The following LRRC70 variants were observed in gnomAD, a reference collection of about 807,000 sequenced individuals.
The protein encoded by LRRC70 is leucine rich repeat containing 70.
In LRRC70, 31 loss-of-function variants were observed where a neutral mutation model predicts 42.4. The observed-to-expected ratio is 0.73, with a 90% CI of 0.55 to 0.99. The LOEUF (loss-of-function observed/expected upper bound fraction) is 0.99. Among genes scored for constraint, LRRC70 ranks in the 50% least tolerant of loss-of-function variants. LRRC70 has a pLI of 0.00. For synonymous variants in LRRC70, 270 were observed against 262.9 expected (o/e 1.03, Z -0.26); for missense variants, 643 against 707.5 (o/e 0.91, Z 1.03).
Position 62,579,745 on chromosome 5 carries a change from G to C in LRRC70, c.307G>C (p.Ala103Pro). 2.6e-6 allele frequency: 4 copies of C among 1,547,306 alleles called. No homozygotes were observed. Among genetic ancestry groups the C allele is most frequent in the Non-Finnish European group, 3.5e-6 (4 of 1,144,722 alleles). The change falls in exon 2 of 2, where the codon GCC becomes CCC. Residue 103 changes from alanine to proline, a missense_variant. Ala to Pro is a conservative substitution (Grantham distance 27). Coordinates refer to ENST00000334994, the MANE Select transcript of LRRC70 (RefSeq NM_181506.5). Reference protein sequence around the residue: ...NSNILYVYPKAFVQLRHLYFL... With the variant: ...NSNILYVYPKPFVQLRHLYFL... Reference sequence around the variant, plus strand: ...TAACATTCTGTATGTATATCCAAAAGCCTTTGTTCAATTGAGGCATCTATA... The same window carrying C: ...TAACATTCTGTATGTATATCCAAAACCCTTTGTTCAATTGAGGCATCTATA...
Position 62,579,520 on chromosome 5 carries a change from G to T in LRRC70, c.82G>T (p.Glu28Ter), listed in dbSNP as rs1048203942. The part of the protein sequence containing the change: ...TCYLLLLLHK[E>*]ILGCSSVCQL... The stretch of plus-strand genomic sequence containing the variant: ...TTATCTTTTATTATTACTCCACAAA[G>T]AAATACTTGGATGTTCGTCTGTTTG... Residue 28 changes from glutamate to a stop codon, truncating the protein, a stop_gained, in exon 2 of 2, where the codon GAA becomes TAA. Coordinates refer to ENST00000334994, the MANE Select transcript of LRRC70 (RefSeq NM_181506.5). LOFTEE classifies it high-confidence loss of function. 1.0e-5 allele frequency: 16 copies of T among 1,550,860 alleles called. No homozygotes were observed. The highest frequency in any genetic ancestry group is 1.2e-5 in the Non-Finnish European group (14 of 1,146,554).
In LRRC70 at chr5:62,580,612, C is replaced by G. The variant is rs1377612687; in HGVS notation, c.1174C>G (p.Arg392Gly). The change falls in exon 2 of 2, where the codon CGT becomes GGT. Residue 392 changes from arginine (R) to glycine (G), a missense_variant. Physicochemically the swap from Arg to Gly is moderately radical, Grantham distance 125. Coordinates refer to ENST00000334994, the MANE Select transcript of LRRC70 (RefSeq NM_181506.5). Reference sequence around the variant, plus strand: ...CTATTGTCAGAATCCCCCATCCATGCGTGGCAGAGCATTACGTTATATTAA... The same window carrying G: ...CTATTGTCAGAATCCCCCATCCATGGGTGGCAGAGCATTACGTTATATTAA... ...NIYCQNPPSM[R>G]GRALRYINIT... is the part of the protein sequence containing the mutation. 1.3e-6 allele frequency: 2 copies of G among 1,551,318 alleles called. No homozygotes were observed. The highest frequency in any genetic ancestry group is 2.0e-5 in the Admixed American group (1 of 50,968).
In LRRC70 at chr5:62,580,192, G is replaced by A; in HGVS notation, c.754G>A (p.Ala252Thr). The A allele has an allele frequency of 6.4e-7, 1 of 1,551,188 alleles. No individual in the cohort carries two copies. Among genetic ancestry groups the A allele is most frequent in the East Asian group, 2.4e-5 (1 of 40,886 alleles). Residue 252 changes from alanine (A) to threonine (T), a missense_variant, in exon 2 of 2, where the codon GCC becomes ACC. Physicochemically the swap from Ala to Thr is moderately conservative, Grantham distance 58. Coordinates refer to ENST00000334994, the MANE Select transcript of LRRC70 (RefSeq NM_181506.5). ...AIQPFAFKGL[A>T]NLEYLLLKNS... The stretch of plus-strand genomic sequence containing the variant: ...ACAGCCCTTTGCATTTAAAGGACTT[G>A]CCAATCTGGAATACCTCCTCCTGAA...
At position 62,579,304 on chromosome 5, in the gene LRRC70, A is replaced by G. The variant is rs1452043500; in HGVS notation, c.-38-97A>G. ...TGATTTATGATAGTATTATTGGCTG[A>G]TCCTAATTAAAATAGAATACAGAAG... On this transcript the variant is annotated intron_variant, in intron 1 of 1. Coordinates refer to ENST00000334994, the MANE Select transcript of LRRC70 (RefSeq NM_181506.5). 6 of 794,858 alleles carry G rather than the reference A, an allele frequency of 7.5e-6. No homozygotes were observed. In the African/African-American group the frequency reaches 1.0e-4, roughly 14 times the overall value. The allele number at this position is 794,858 out of a possible 1,614,324, so 49.2% of individuals were successfully genotyped here.
Position 62,580,351 on chromosome 5 carries a change from C to G in LRRC70, c.913C>G (p.Leu305Val). ...TFSLLKNLIY[L>V]KLDRNRIISI... ...CAGTTTGTTAAAGAATTTAATTTAC[C>G]TTAAGTTAGATAGAAACAGAATAAT... Residue 305 changes from leucine (L) to valine (V), a missense_variant, in exon 2 of 2, where the codon CTT becomes GTT. Coordinates refer to ENST00000334994, the MANE Select transcript of LRRC70 (RefSeq NM_181506.5). 2 of 1,544,104 alleles carry G rather than the reference C, an allele frequency of 1.3e-6. No individual in the cohort carries two copies. The highest frequency in any genetic ancestry group is 1.2e-5 in the South Asian group (1 of 83,840).
Position 62,580,876 on chromosome 5 carries a change from G to A in LRRC70, c.1438G>A (p.Ala480Thr), listed in dbSNP as rs755137070. The change falls in exon 2 of 2, where the codon GCA (alanine) becomes ACA (threonine). Residue 480 changes from alanine to threonine, a missense_variant. By Grantham distance (58) the Ala-to-Thr change is moderately conservative. Coordinates refer to ENST00000334994, the MANE Select transcript of LRRC70 (RefSeq NM_181506.5). ...CTTTGGTAATCCATTAGAGACTACA[G>A]CAGTGTTACCTGTGCAAATACAACT... The part of the protein sequence containing the change: ...NAFGNPLETT[A>T]VLPVQIQLTT... 2 of 1,551,362 alleles carry A rather than the reference G, an allele frequency of 1.3e-6. No homozygotes were observed. Among genetic ancestry groups the A allele is most frequent in the Non-Finnish European group, 8.7e-7 (1 of 1,146,832 alleles).
Position 62,581,154 on chromosome 5 carries a change from T to C in LRRC70, c.1716T>C (p.Phe572=), listed in dbSNP as rs762555079. The change falls in exon 2 of 2, where the codon TTT becomes TTC. Residue 572 remains phenylalanine (F), a synonymous_variant. Transcript: ENST00000334994. The stretch of plus-strand genomic sequence containing the variant: ...AAAATAGACTTGAATACTACAGCTT[T>C]TATCAGTCAGCAAGGTATAATGTAA... ...SRENRLEYYS[F]YQSARYNVTA... 6.4e-7 allele frequency: 1 copy of C among 1,551,090 alleles called. No individual in the cohort carries two copies. Among genetic ancestry groups the C allele is most frequent in the Non-Finnish European group, 8.7e-7 (1 of 1,146,744 alleles).
chr5:62,581,407 A>G lies in LRRC70; in HGVS notation c.*100A>G. 1.1e-6 allele frequency: 1 copy of G among 900,200 alleles called. No individual in the cohort carries two copies. The highest frequency in any genetic ancestry group is 1.6e-6 in the Non-Finnish European group (1 of 617,644). 55.8% of individuals were successfully genotyped at this position (900,200 alleles called of 1,614,324 possible). ...TATACTTTAGTTGGAAATATAATGA[A>G]TTATATGAGGTTAGCATTATTAAAA... On this transcript the variant is annotated 3_prime_UTR_variant, in exon 2 of 2. Coordinates refer to ENST00000334994, the MANE Select transcript of LRRC70 (RefSeq NM_181506.5).
chr5:62,581,345 T>G lies in LRRC70; in HGVS notation c.*38T>G. 1 of 1,425,876 alleles carries G rather than the reference T, an allele frequency of 7.0e-7. No homozygotes were observed. Among genetic ancestry groups the G allele is most frequent in the Non-Finnish European group, 9.2e-7 (1 of 1,082,974 alleles). The allele number at this position is 1,425,876 out of a possible 1,614,324, so 88.3% of individuals were successfully genotyped here. A position where few individuals can be genotyped will look rare whatever the true frequency, so the allele number is the denominator to read the frequency against. Reference sequence around the variant, plus strand: ...TTGTCTATAAGAAACTTCAGTGCCATGGACATGATTTAAACTGAAACCTCC... The same window carrying G: ...TTGTCTATAAGAAACTTCAGTGCCAGGGACATGATTTAAACTGAAACCTCC... On this transcript the variant is annotated 3_prime_UTR_variant, in exon 2 of 2. Transcript: ENST00000334994.
In LRRC70 at chr5:62,581,227, T is replaced by G; in HGVS notation, c.1789T>G (p.Leu597Val). The stretch of plus-strand genomic sequence containing the variant: ...CCCAAATTCTCTAGAAAGTCCTGGC[T>G]TGGAGCAGATTCGACTTCATAAACA... ...TSPNSLESPGLEQIRLHKQIV... is the reference protein window; with the variant it reads ...TSPNSLESPGVEQIRLHKQIV... The change falls in exon 2 of 2, where the codon TTG becomes GTG. Residue 597 changes from leucine (L) to valine (V), a missense_variant. Transcript: ENST00000334994. The G allele has an allele frequency of 6.5e-7, 1 of 1,546,880 alleles. No homozygotes were observed. The highest frequency in any genetic ancestry group is 8.7e-7 in the Non-Finnish European group (1 of 1,145,750).
rs144355739 is a variant in LRRC70, at chr5:62,579,861, T to C, written c.423T>C (p.Tyr141=). 194 of 1,549,616 alleles carry C rather than the reference T, an allele frequency of 1.3e-4. No homozygotes were observed. The African/African-American group carries it at 2.3e-3, about 18-fold the overall frequency. Residue 141 remains tyrosine (Y), a synonymous_variant, in exon 2 of 2, where the codon TAT becomes TAC. Transcript: ENST00000334994. ...LLNLRNLYLQ[Y]NQVSFVPRGV... ...ATCTTCGTAATTTATATTTACAGTA[T>C]AATCAGGTATCTTTTGTTCCGAGAG...
In LRRC70 at chr5:62,579,863, A is replaced by G. The variant is rs1421637181; in HGVS notation, c.425A>G (p.Asn142Ser). The change falls in exon 2 of 2, where the codon AAT (asparagine) becomes AGT (serine). Residue 142 changes from asparagine to serine, a missense_variant. Asn to Ser is a conservative substitution (Grantham distance 46, BLOSUM62 1). Coordinates refer to ENST00000334994, the MANE Select transcript of LRRC70 (RefSeq NM_181506.5). The part of the protein sequence containing the change: ...LNLRNLYLQY[N>S]QVSFVPRGVF... ...CTTCGTAATTTATATTTACAGTATA[A>G]TCAGGTATCTTTTGTTCCGAGAGGA... 2.6e-6 allele frequency: 4 copies of G among 1,549,678 alleles called. No individual in the cohort carries two copies. The African/African-American group carries it at 5.5e-5, about 21-fold the overall frequency.
In LRRC70 at chr5:62,580,962, A is replaced by G; in HGVS notation, c.1524A>G (p.Ser508=). Residue 508 remains serine, a synonymous_variant, in exon 2 of 2, where the codon TCA becomes TCG. Transcript: ENST00000334994. ...GTGCTCTACCGAATGATGCTGCTTC[A>G]ATGTCAGGGAAAACATCTCTAATTT... is the stretch of plus-strand genomic sequence containing the variant. The part of the protein sequence containing the change: ...KNSALPNDAA[S]MSGKTSLICT... 6.4e-7 allele frequency: 1 copy of G among 1,551,162 alleles called. No homozygotes were observed. Among genetic ancestry groups the G allele is most frequent in the Non-Finnish European group, 8.7e-7 (1 of 1,146,794 alleles).
chr5:62,581,416 G>T lies in LRRC70; in HGVS notation c.*109G>T, dbSNP rs761615338. The T allele has an allele frequency of 1.1e-4, 96 of 842,340 alleles. No homozygotes were observed. Among genetic ancestry groups the T allele is most frequent in the Non-Finnish European group, 1.7e-4 (96 of 570,898 alleles). 52.2% of individuals were successfully genotyped at this position (842,340 alleles called of 1,614,324 possible). The stretch of plus-strand genomic sequence containing the variant: ...GTTGGAAATATAATGAATTATATGA[G>T]GTTAGCATTATTAAAATATGTTTTT... On this transcript the variant is annotated 3_prime_UTR_variant, in exon 2 of 2. Coordinates refer to ENST00000334994, the MANE Select transcript of LRRC70 (RefSeq NM_181506.5).
In LRRC70 at chr5:62,580,153, C is replaced by G. The variant is rs1349557397; in HGVS notation, c.715C>G (p.Pro239Ala). The G allele has an allele frequency of 1.9e-6, 3 of 1,551,086 alleles. No homozygotes were observed. In the South Asian group the frequency reaches 3.6e-5, roughly 18 times the overall value. Residue 239 changes from proline to alanine, a missense_variant, in exon 2 of 2, where the codon CCT becomes GCT. Transcript: ENST00000334994. ...TAGAAGACTTTCTTTGTCTCATAAT[C>G]CTATTGAAGCAATACAGCCCTTTGC... ...SLRRLSLSHN[P>A]IEAIQPFAFK...
chr5:62,581,238 T>A lies in LRRC70; in HGVS notation c.1800T>A (p.Ile600=). ...TAGAAAGTCCTGGCTTGGAGCAGATTCGACTTCATAAACAAATTGTTCCTG... is the reference window on the plus strand; with the variant it reads ...TAGAAAGTCCTGGCTTGGAGCAGATACGACTTCATAAACAAATTGTTCCTG... The part of the protein sequence containing the change: ...NSLESPGLEQ[I]RLHKQIVPEN... The change falls in exon 2 of 2, where the codon ATT becomes ATA. Residue 600 remains isoleucine (I), a synonymous_variant. Transcript: ENST00000334994. The A allele has an allele frequency of 1.3e-6, 2 of 1,542,094 alleles. No homozygotes were observed. Among genetic ancestry groups the A allele is most frequent in the South Asian group, 2.5e-5 (2 of 81,184 alleles).
In LRRC70 at chr5:62,581,227, T is replaced by C; in HGVS notation, c.1789T>C (p.Leu597=). Residue 597 remains leucine (L), a synonymous_variant, in exon 2 of 2, where the codon TTG becomes CTG. Transcript: ENST00000334994. ...CCCAAATTCTCTAGAAAGTCCTGGC[T>C]TGGAGCAGATTCGACTTCATAAACA... ...TSPNSLESPG[L]EQIRLHKQIV... The C allele has an allele frequency of 6.5e-7, 1 of 1,546,880 alleles. No homozygotes were observed. The highest frequency in any genetic ancestry group is 8.7e-7 in the Non-Finnish European group (1 of 1,145,750).
chr5:62,578,829 G>GCAGTGC lies in LRRC70; in HGVS notation c.-142_-137dup, dbSNP rs1225945289. ...AAAAAAAGTGGTGGGGTGGAGGTCA[G>GCAGTGC]CAGTGCCACAGAACAAACTGGAGTT... On this transcript the variant is annotated 5_prime_UTR_variant, in exon 1 of 2. Coordinates refer to ENST00000334994, the MANE Select transcript of LRRC70 (RefSeq NM_181506.5). 1.2e-5 allele frequency: 5 copies of GCAGTGC among 409,718 alleles called. No individual in the cohort carries two copies. The highest frequency in any genetic ancestry group is 2.4e-5 in the Non-Finnish European group (5 of 206,518). 25.4% of individuals were successfully genotyped at this position (409,718 alleles called of 1,614,324 possible).
chr5:62,580,489 T>C lies in LRRC70; in HGVS notation c.1051T>C (p.Leu351=). 6.4e-7 allele frequency: 1 copy of C among 1,551,466 alleles called. No homozygotes were observed. The highest frequency in any genetic ancestry group is 8.7e-7 in the Non-Finnish European group (1 of 1,146,816). ...HPRVLKPLSS[L]IHLQANSNPW... ...AAGGGTCCTTAAGCCGTTGTCTTCA[T>C]TGATTCATCTTCAGGCAAATTCTAA... Residue 351 remains leucine (L), a synonymous_variant, in exon 2 of 2, where the codon TTG becomes CTG. Coordinates refer to ENST00000334994, the MANE Select transcript of LRRC70 (RefSeq NM_181506.5).
Sources: gnomAD v4.1 joint callset for allele counts on GRCh38, gnomAD v4.1.1 for gene constraint, MANE v1.5 for transcripts, NCBI Gene and HGNC (gene_info 2026-07-23, HGNC 2026-07-21) for gene names.